The following ATAD2 variants were observed in gnomAD, a reference collection of about 807,000 sequenced individuals.
ATAD2 encodes the protein ATPase family AAA domain containing 2, also known as ATPase family AAA domain-containing protein 2.
In ATAD2, 62 loss-of-function variants were observed where a neutral mutation model predicts 168.9. The ratio of observed to expected loss-of-function variants is 0.37; its 90% confidence interval spans 0.30 to 0.45. The LOEUF is 0.45. Among genes scored for constraint, ATAD2 ranks in the 20% least tolerant of loss-of-function variants. The pLI, the probability that ATAD2 is intolerant of heterozygous loss-of-function variation, is 1.00. For missense variants in ATAD2, 1,419 were observed against 1,667.8 expected (o/e 0.85, Z 2.60); for synonymous variants, 613 against 571.6 (o/e 1.07, Z -1.03).
upstream of ATAD2, chr8:123,401,215 G>C (rs569932009): frequency 4.4e-6 from 4 of 908,850 alleles, no homozygotes; most frequent in South Asian, 5.2e-5. Flanking sequence ...TATCGTCAAT[G>C]ACGATGATGA....
chr8:123,413,291 C>T (rs781464901), intron 1 of ATAD2, among the ~76,000 whole-genome samples: 67 of 147,850 alleles, frequency 4.5e-4, no homozygotes, highest in Non-Finnish European at 9.2e-4. Flanking sequence ...TACCTCTGCA[C>T]AATTGGAATG....
intron 8 of ATAD2, among the ~76,000 whole-genome samples, chr8:123,364,812 C>G (rs900829763): frequency 6.6e-6 from 1 of 152,098 alleles, no homozygotes; most frequent in South Asian, 2.1e-4. Flanking sequence ...AATCCACAGC[C>G]AACGTAATAC....
At chr8:123,410,279 T>C (rs1813135280) in intron 1 of ATAD2, among the ~76,000 whole-genome samples, 1 of 129,866 alleles carries the variant, frequency 7.7e-6, no homozygotes, top group Non-Finnish European at 1.7e-5. Flanking sequence ...TGTAGGATCA[T>C]ATTATTTATT....
rs547914695 is a variant in ATAD2 at position 123,361,849 on chromosome 8, C to T, written c.1050-203G>A. Among the ~76,000 whole-genome samples the T allele has an allele frequency of 3.2e-4, 49 of 152,244 alleles. 1 individual carries two copies. The highest frequency in any genetic ancestry group is 1.1e-3 in the African/African-American group (46 of 41,566). ...ACAACTGAGAGGAAAGGAAAAAAGA[C>T]TAAAGACTGTGGCAGAGCTGAATAT... is the stretch of plus-strand genomic sequence containing the variant. On this transcript the variant is annotated intron_variant, in intron 8 of 27. Transcript: ENST00000287394.
At chr8:123,367,961 T>C (rs1215625199) in intron 8 of ATAD2, among the ~76,000 whole-genome samples, 17 of 152,190 alleles carry the variant, frequency 1.1e-4, no homozygotes. Flanking sequence ...ATAACTGAAA[T>C]ATCCTAAGGC....
chr8:123,367,171 T>C (rs962222750), intron 8 of ATAD2, among the ~76,000 whole-genome samples: 3 of 152,066 alleles, frequency 2.0e-5, no homozygotes, highest in African/African-American at 7.2e-5. Flanking sequence ...TCCCACCACT[T>C]GGGAGGCCAA....
chr8:123,390,548 C>G (rs1478974957), intron 1 of ATAD2, among the ~76,000 whole-genome samples: 1 of 152,174 alleles, frequency 6.6e-6, no homozygotes, highest in Admixed American at 6.5e-5. Context: ...AAGCTATATA[C>G]TTTTCATGTT....
At chr8:123,346,334 A>T in intron 17 of ATAD2, 62 bp from the exon 18 acceptor site, 1 of 1,404,426 alleles carries the variant, frequency 7.1e-7, no homozygotes, top group Non-Finnish European at 9.5e-7. Context: ...TTCCCCCTAA[A>T]TTGTCAACTA....
rs1156728107 is a variant in ATAD2, at chr8:123,357,619, A to G, written c.1500T>C (p.Asp500=). Reference sequence around the variant, plus strand: ...ATTCTCCTACCCATTTACTTAGACAATCAGCACCTTTCCTCATGAAAAATG... The same window carrying G: ...ATTCTCCTACCCATTTACTTAGACAGTCAGCACCTTTCCTCATGAAAAATG... ...RVAFFMRKGA[D]CLSKWVGESE... is the part of the protein sequence containing the mutation. The change falls in exon 12 of 28, where the codon GAT becomes GAC. Residue 500 remains aspartate, a synonymous_variant. Transcript: ENST00000287394. 3 of 1,614,104 alleles carry G rather than the reference A, an allele frequency of 1.9e-6. No individual in the cohort carries two copies. The highest frequency in any genetic ancestry group is 2.2e-5 in the South Asian group (2 of 91,084).
At chr8:123,372,828 A>G in intron 2 of ATAD2, 142 bp from the exon 3 acceptor site, 1 of 571,006 alleles carries the variant, frequency 1.8e-6, no homozygotes, top group South Asian at 3.0e-5. Flanking sequence ...GCTGGGCTCA[A>G]GCAATACCTC....
chr8:123,396,164 G>A, intron 1 of ATAD2, 23 bp downstream of exon 1: 1 of 1,539,658 alleles, frequency 6.5e-7, no homozygotes, highest in Non-Finnish European at 8.7e-7. Flanking sequence ...CGCCCTGGGA[G>A]CCCGCCTCAG....
intron 22 of ATAD2, among the ~76,000 whole-genome samples, chr8:123,335,411 A>G (rs1275169421): frequency 6.6e-6 from 1 of 152,178 alleles, no homozygotes; most frequent in Non-Finnish European, 1.5e-5. Context: ...CAATTGTTGA[A>G]AAAAATTTTA....
At chr8:123,376,676 C>T (rs1175721153) in intron 2 of ATAD2, among the ~76,000 whole-genome samples, 1 of 151,834 alleles carries the variant, frequency 6.6e-6, no homozygotes, top group Admixed American at 6.6e-5. Flanking sequence ...TTAATATGGC[C>T]AGGCACTGTG....
At chr8:123,400,962 T>C, upstream of ATAD2, 2 of 1,419,088 alleles carry the variant, frequency 1.4e-6, no homozygotes, top group Admixed American at 1.7e-5. This position sits in a 1 kb window ranked among gnomAD's most constrained non-coding sequence, Gnocchi z 4.5. Flanking sequence ...CTGTGGGTGA[T>C]GTGCTGGAGG....
rs376633496 is a variant in ATAD2, at chr8:123,409,074, C to G, written c.-2282+7174G>C. Among the ~76,000 whole-genome samples the G allele has an allele frequency of 2.0e-5, 3 of 152,200 alleles. No homozygotes were observed. The East Asian group carries it at 5.8e-4, about 29-fold the overall frequency. The stretch of plus-strand genomic sequence containing the variant: ...CTCCTGACCTCAGGTGATCCACTCG[C>G]CTCTGCCCCTCAAAGTGCTGGGGTT... On this transcript the variant is annotated intron_variant, in intron 1 of 28. Transcript: ENST00000521903.
chr8:123,362,491 A>ACCTCTG (rs1828857299), intron 8 of ATAD2, among the ~76,000 whole-genome samples: 1 of 151,472 alleles, frequency 6.6e-6, no homozygotes, highest in African/African-American at 2.4e-5. Context: ...GCTCACTGCA[A>ACCTCTG]CCTCTGCCTC....
intron 26 of ATAD2, among the ~76,000 whole-genome samples, chr8:123,324,431 T>C (rs1324946884): frequency 6.6e-6 from 1 of 152,226 alleles, no homozygotes. Flanking sequence ...TGTTTTTATT[T>C]TTGAAGGAAA....
intron 1 of ATAD2, chr8:123,401,487 A>AC: frequency 3.2e-6 from 5 of 1,572,324 alleles, no homozygotes; most frequent in Non-Finnish European, 4.3e-6. Context: ...GAACGTGGTG[A>AC]CAGCAGCCCA....
intron 2 of ATAD2, among the ~76,000 whole-genome samples, chr8:123,374,386 T>C (rs1344065348): frequency 6.6e-6 from 1 of 152,158 alleles, no homozygotes. Context: ...TTTTGAGTAG[T>C]TCATCTACAG....
Sources: allele counts gnomAD v4.1 joint callset (sites outside exome capture counted in the v4.1 genomes callset), GRCh38; gene constraint gnomAD v4.1.1; non-coding constraint Gnocchi (gnomAD v3.1); transcripts MANE v1.5; gene names NCBI Gene and HGNC (gene_info 2026-07-23, HGNC 2026-07-21).